Variants in ASAH2 observed in about 807,000 individuals in gnomAD.
ASAH2 encodes N-acylsphingosine amidohydrolase 2, also known as neutral ceramidase.
A neutral mutation model predicts 82.9 loss-of-function variants in ASAH2; 58 were observed. That is an observed-to-expected ratio of 0.70 (90% CI 0.57 to 0.87). ASAH2 has a LOEUF of 0.87. Among genes scored for constraint, ASAH2 ranks in the 40% least tolerant of loss-of-function variants. The pLI, the probability that ASAH2 is intolerant of heterozygous loss-of-function variation, is 0.00. For missense variants in ASAH2, 779 were observed against 834.0 expected (o/e 0.93, Z 0.81); for synonymous variants, 276 against 289.7 (o/e 0.95, Z 0.48).
chr10:50,225,576 G>C (rs1845859184), intron 7 of ASAH2, among the ~76,000 whole-genome samples: 1 of 152,088 alleles, frequency 6.6e-6, no homozygotes, highest in Non-Finnish European at 1.5e-5. Flanking sequence ...TTTTAAGCCT[G>C]TTACTTGGCA....
chr10:50,214,539 A>G (rs1373061642), intron 9 of ASAH2, among the ~76,000 whole-genome samples: 1 of 152,212 alleles, frequency 6.6e-6, no homozygotes, highest in African/African-American at 2.4e-5. Context: ...AAAAACCTTA[A>G]CAGTCACTCA....
rs756070203 is a variant in ASAH2 at position 50,243,192 on chromosome 10, A to C, written c.510+10T>G. ...ATTTCTTCATTCATTTCTCCTCTCA[A>C]ATCACTTACCTCCAGCCTGAGCCTT... On this transcript the variant is annotated intron_variant, in intron 4 of 20. Transcript: ENST00000682911. 3 of 1,613,042 alleles carry C rather than the reference A, an allele frequency of 1.9e-6. No homozygotes were observed. The highest frequency in any genetic ancestry group is 2.2e-5 in the South Asian group (2 of 90,694).
intron 4 of ASAH2, among the ~76,000 whole-genome samples, chr10:50,241,015 C>T (rs1033363067): frequency 6.6e-6 from 1 of 152,222 alleles, no homozygotes; most frequent in African/African-American, 2.4e-5. Flanking sequence ...GTAGCTTCCT[C>T]CTTGCTCATT....
chr10:50,199,021 C>G, intron 17 of ASAH2, 30 bp downstream of exon 17: 1 of 1,598,288 alleles, frequency 6.3e-7, no homozygotes, highest in Non-Finnish European at 8.6e-7. Context: ...CACGCACGCG[C>G]GCATGCACGC....
At chr10:50,244,438 T>G (rs1354702271) in intron 3 of ASAH2, among the ~76,000 whole-genome samples, 1 of 152,208 alleles carries the variant, frequency 6.6e-6, no homozygotes, top group Non-Finnish European at 1.5e-5. Flanking sequence ...TTATTTAGGG[T>G]TCACATTCCA....
chr10:50,236,265 G>A (rs1846156456), intron 4 of ASAH2, among the ~76,000 whole-genome samples: 1 of 152,094 alleles, frequency 6.6e-6, no homozygotes, highest in African/African-American at 2.4e-5. Flanking sequence ...CAGCATGACT[G>A]GGGAGGCCTC....
chr10:50,235,850 A>G, intron 5 of ASAH2, 38 bp downstream of exon 5: 2 of 1,603,798 alleles, frequency 1.2e-6, no homozygotes, highest in Admixed American at 1.7e-5. Flanking sequence ...CCTGTAAGCA[A>G]TGGTAAAGAA....
At chr10:50,216,306 AAT>A (rs1458645540) in intron 8 of ASAH2, among the ~76,000 whole-genome samples, 1 of 59,026 alleles carries the variant, frequency 1.7e-5, no homozygotes, top group East Asian at 3.6e-4. Context: ...AAAGTATAAT[AAT>A]AAAAAAAAAA....
Position 50,236,056 on chromosome 10 carries a change from G to A in ASAH2, c.519C>T (p.Asn173=). 1.2e-6 allele frequency: 2 copies of A among 1,613,076 alleles called. No homozygotes were observed. Among genetic ancestry groups the A allele is most frequent in the Admixed American group, 1.7e-5 (1 of 59,924 alleles). ...VSQRLRLEVL[N]RLQSKYGSLY... ...GGGAGCCATATTTACTCTGCAGTCT[G>A]TTCAGGACCTTCAAGAAAAAAAGTA... Residue 173 remains asparagine (N), a synonymous_variant, in exon 5 of 21, where the codon AAC becomes AAT. Coordinates refer to ENST00000682911, the MANE Select transcript of ASAH2 (RefSeq NM_019893.4).
chr10:50,242,630 ATC>A (rs35374449), intron 4 of ASAH2, among the ~76,000 whole-genome samples: 1 of 150,980 alleles, frequency 6.6e-6, no homozygotes, highest in South Asian at 2.1e-4. Context: ...CTCGCTTTCT[ATC>A]TCTCTCTCTC....
intron 5 of ASAH2, among the ~76,000 whole-genome samples, chr10:50,234,992 C>T (rs554051380): frequency 0.022 from 3,373 of 152,200 alleles, 137 homozygotes; most frequent in African/African-American, 0.077. Flanking sequence ...TGACAGTGAA[C>T]TACAGTGAGA....
intron 14 of ASAH2, 138 bp downstream of exon 14, chr10:50,204,723 A>G: frequency 1.5e-6 from 1 of 684,232 alleles, no homozygotes; most frequent in South Asian, 1.9e-5. Flanking sequence ...AGAGGGTAGG[A>G]ATATTTGCCA....
At chr10:50,245,562 T>C in intron 2 of ASAH2, 108 bp from the exon 3 acceptor site, 2 of 957,014 alleles carry the variant, frequency 2.1e-6, no homozygotes, top group South Asian at 1.8e-5. Flanking sequence ...ACTCTTTATA[T>C]ATTTTCTTAT....
Position 50,206,042 on chromosome 10 carries a change from C to T in ASAH2, c.1470G>A (p.Lys490=). 2 of 1,612,690 alleles carry T rather than the reference C, an allele frequency of 1.2e-6. No individual in the cohort carries two copies. Among genetic ancestry groups the T allele is most frequent in the Non-Finnish European group, 1.7e-6 (2 of 1,178,942 alleles). ...GACATTCTTTAATTTCTTCAGATGG[C>T]TTTCCCAGGATCTGGTCCCGAATGG... ...WDTIRDQILG[K]PSEEIKECHK... Residue 490 remains lysine (K), a synonymous_variant, in exon 13 of 21, where the codon AAG becomes AAA. Coordinates refer to ENST00000682911, the MANE Select transcript of ASAH2 (RefSeq NM_019893.4).
intron 7 of ASAH2, among the ~76,000 whole-genome samples, chr10:50,230,279 T>C (rs1280961671): frequency 6.6e-6 from 1 of 152,094 alleles, no homozygotes; most frequent in Non-Finnish European, 1.5e-5. Context: ...AAGAAGATAG[T>C]CTTGGCTGTG....
intron 1 of ASAH2, among the ~76,000 whole-genome samples, 170 bp downstream of exon 1, chr10:50,251,225 C>T (rs148535058): frequency 2.4e-4 from 36 of 152,268 alleles, no homozygotes; most frequent in East Asian, 7.7e-4. Flanking sequence ...CTTCACATAA[C>T]GGGGTCCCTG....
chr10:50,241,678 G>A (rs1028459670), intron 4 of ASAH2, among the ~76,000 whole-genome samples: 2 of 152,096 alleles, frequency 1.3e-5, no homozygotes. Context: ...AGAAAATGTG[G>A]CACATATACA....
rs1273680716 is a variant in ASAH2 at position 50,251,491 on chromosome 10, C to T, written c.-133G>A. 1.3e-5 allele frequency among the ~76,000 whole-genome samples: 2 copies of T among 152,216 alleles called. No homozygotes were observed. Among genetic ancestry groups the T allele is most frequent in the Non-Finnish European group, 2.9e-5 (2 of 68,042 alleles). On this transcript the variant is annotated 5_prime_UTR_variant, in exon 1 of 21. It adds an upstream start codon to the 5' untranslated region. Transcript: ENST00000682911. ...CCCCTTGCACGTTGCTGGGCTTACA[C>T]CTCTCAGCACTTTCTGAAACCTACT...
chr10:50,226,103 AAT>A (rs1441651951), intron 7 of ASAH2, among the ~76,000 whole-genome samples: 4 of 152,088 alleles, frequency 2.6e-5, no homozygotes, highest in Non-Finnish European at 5.9e-5. Context: ...AAAAAAAAAA[AAT>A]GTTTATCACG....
Sources: gnomAD v4.1 joint callset for allele counts (sites outside exome capture counted in the v4.1 genomes callset) on GRCh38, gnomAD v4.1.1 for gene constraint, MANE v1.5 for transcripts, NCBI Gene and HGNC (gene_info 2026-07-23, HGNC 2026-07-21) for gene names.